The following LPGAT1 variants were observed in gnomAD, a reference collection of about 807,000 sequenced individuals.
The protein encoded by LPGAT1 is lysophosphatidylglycerol acyltransferase 1, also known as acyl-CoA:lysophosphatidylglycerol acyltransferase 1.
A neutral mutation model predicts 47.5 loss-of-function variants in LPGAT1; 11 were observed. The ratio of observed to expected loss-of-function variants is 0.23; its 90% CI spans 0.15 to 0.38. The LOEUF (loss-of-function observed/expected upper bound fraction) is 0.38, where lower values mean the gene tolerates loss of function less well. Among genes scored for constraint, LPGAT1 ranks in the 10% least tolerant of loss-of-function variants. LPGAT1 has a pLI of 1.00. For missense variants in LPGAT1, 293 were observed against 439.0 expected (o/e 0.67, Z 2.97); for synonymous variants, 138 against 144.2 (o/e 0.96, Z 0.31).
chr1:211,827,257 A>C (rs1177737767), intron 2 of LPGAT1, among the ~76,000 whole-genome samples: 1 of 152,252 alleles, frequency 6.6e-6, no homozygotes, highest in East Asian at 1.9e-4. Flanking sequence ...TATGCAGATC[A>C]TGCCAAGACC....
rs969228990 is a variant in LPGAT1 at position 211,829,977 on chromosome 1, G to A, written c.-28+596C>T. On this transcript the variant is annotated intron_variant, in intron 1 of 7. Coordinates refer to ENST00000366997, the MANE Select transcript of LPGAT1 (RefSeq NM_014873.3). ...AAAAGAGGAAGGACAGGAGTAGGGG[G>A]AAGGGAGCAAAAGCCAGAAAGAGGT... 3.0e-6 allele frequency: 3 copies of A among 985,498 alleles called. No homozygotes were observed. The African/African-American group carries it at 5.2e-5, about 17-fold the overall frequency. The allele number at this position is 985,498 out of a possible 1,614,324, so 61.0% of individuals were successfully genotyped here. A position where few individuals can be genotyped will look rare whatever the true frequency, so the allele number is the denominator to read the frequency against.
Position 211,783,213 on chromosome 1 carries a change from C to T in LPGAT1, c.727+16G>A, listed in dbSNP as rs758120101. 74 of 1,579,344 alleles carry T rather than the reference C, an allele frequency of 4.7e-5. No homozygotes were observed. The highest frequency in any genetic ancestry group is 6.3e-5 in the Non-Finnish European group (73 of 1,158,078). ...TTTAACTCCAACAAGGTAAAAAATG[C>T]TAAAAACCATCATACCTAATTCTTT... On this transcript the variant is annotated intron_variant, in intron 5 of 7. Transcript: ENST00000366997.
chr1:211,788,520 T>C (rs1462820076), intron 3 of LPGAT1, among the ~76,000 whole-genome samples: 1 of 151,546 alleles, frequency 6.6e-6, no homozygotes, highest in East Asian at 1.9e-4. Flanking sequence ...CCATCTCTAC[T>C]AAAATACAAA....
At chr1:211,809,842 G>A (rs1659904417) in intron 2 of LPGAT1, among the ~76,000 whole-genome samples, 1 of 151,976 alleles carries the variant, frequency 6.6e-6, no homozygotes, top group Non-Finnish European at 1.5e-5. Context: ...TATTAGCAGT[G>A]TTAAGAACAG....
chr1:211,758,723 A>T (rs1254828194), intron 6 of LPGAT1, among the ~76,000 whole-genome samples: 3 of 152,120 alleles, frequency 2.0e-5, no homozygotes, highest in Non-Finnish European at 4.4e-5. Flanking sequence ...AAGAACCTCT[A>T]GTATAATGTT....
At chr1:211,826,606 C>T (rs1260170303) in intron 2 of LPGAT1, among the ~76,000 whole-genome samples, 1 of 151,978 alleles carries the variant, frequency 6.6e-6, no homozygotes, top group East Asian at 1.9e-4. Context: ...CAACATAAGT[C>T]CTCATCAGCA....
Position 211,830,454 on chromosome 1 carries a change from A to G in LPGAT1, c.-28+119T>C. ...GGGGCCTACCGCGCCCTCGTCCCTC[A>G]GGCCGCTGCCGCCTCCCCGGGCCAC... On this transcript the variant is annotated intron_variant, in intron 1 of 7. Transcript: ENST00000366997. This position sits in a 1 kb window ranked among gnomAD's most constrained non-coding sequence, Gnocchi z 5.9. 8.5e-7 allele frequency: 1 copy of G among 1,175,846 alleles called. No individual in the cohort carries two copies. Among genetic ancestry groups the G allele is most frequent in the Non-Finnish European group, 1.1e-6 (1 of 949,464 alleles). The allele number at this position is 1,175,846 out of a possible 1,614,324, so 72.8% of individuals were successfully genotyped here. A position where few individuals can be genotyped will look rare whatever the true frequency, so the allele number is the denominator to read the frequency against.
At chr1:211,828,748 A>G (rs1660623103) in intron 2 of LPGAT1, among the ~76,000 whole-genome samples, 1 of 152,208 alleles carries the variant, frequency 6.6e-6, no homozygotes, top group Non-Finnish European at 1.5e-5. Context: ...TCTTCACTTT[A>G]TAAGCTCTCG....
chr1:211,751,757 T>C (rs1264578920), intron 6 of LPGAT1, among the ~76,000 whole-genome samples: 1 of 152,060 alleles, frequency 6.6e-6, no homozygotes, highest in Non-Finnish European at 1.5e-5. Flanking sequence ...TAGTGGGGGA[T>C]TTTTTGTCCC....
chr1:211,820,286 A>T (rs78712239), intron 2 of LPGAT1, among the ~76,000 whole-genome samples: 1,970 of 152,302 alleles, frequency 0.013, 38 homozygotes, highest in African/African-American at 0.044. Context: ...ACAAGGAAAA[A>T]AAGGTAACTG....
chr1:211,763,776 T>G lies in LPGAT1; in HGVS notation c.855-12709A>C, dbSNP rs902284044. Among the ~76,000 whole-genome samples the G allele has an allele frequency of 1.3e-5, 2 of 152,312 alleles. 1 individual carries two copies. The highest frequency in any genetic ancestry group is 1.3e-4 in the Admixed American group (2 of 15,300). ...ATTTCCAGATTATCCTATTTAAAAT[T>G]TATTTGTTGGTTTCCTACTACGGCA... On this transcript the variant is annotated intron_variant, in intron 6 of 7. Coordinates refer to ENST00000366997, the MANE Select transcript of LPGAT1 (RefSeq NM_014873.3).
chr1:211,750,097 G>T, intron 7 of LPGAT1, 47 bp from the exon 8 acceptor site: 1 of 1,539,794 alleles, frequency 6.5e-7, no homozygotes, highest in Non-Finnish European at 8.9e-7. Flanking sequence ...GTAATGGTAG[G>T]TCTCCTGGAA....
intron 2 of LPGAT1, among the ~76,000 whole-genome samples, chr1:211,795,400 T>G (rs1659310228): frequency 6.6e-6 from 1 of 152,174 alleles, no homozygotes; most frequent in African/African-American, 2.4e-5. Context: ...GGAGTTTCGC[T>G]CTTGTTGCCC....
chr1:211,760,299 CA>C (rs995910095), intron 6 of LPGAT1, among the ~76,000 whole-genome samples: 1 of 151,954 alleles, frequency 6.6e-6, no homozygotes, highest in African/African-American at 2.4e-5. Context: ...ACTAAAAATA[CA>C]AAAAATTAGC....
chr1:211,813,589 A>C (rs12565318), intron 2 of LPGAT1, among the ~76,000 whole-genome samples: 12,740 of 152,302 alleles, frequency 0.084, 655 homozygotes, highest in Admixed American at 0.15. Flanking sequence ...GACAAAATTC[A>C]AAATAAAAAA....
intron 2 of LPGAT1, among the ~76,000 whole-genome samples, chr1:211,804,924 T>C (rs1026960749): frequency 1.3e-5 from 2 of 152,098 alleles, no homozygotes; most frequent in Non-Finnish European, 2.9e-5. Context: ...GTGGTAGTGG[T>C]CATATAACTG....
At position 211,791,757 on chromosome 1, in the gene LPGAT1, AAAAAAAAAC is replaced by A. The variant is rs1659122250; in HGVS notation, c.357+1306_357+1314del. Among the ~76,000 whole-genome samples the A allele has an allele frequency of 2.1e-5, 3 of 140,000 alleles. 1 individual carries two copies. The highest frequency in any genetic ancestry group is 4.9e-5 in the Non-Finnish European group (3 of 60,814). The allele number at this position is 140,000 out of a possible 152,430, so 91.8% of individuals were successfully genotyped here. On this transcript the variant is annotated intron_variant, in intron 3 of 7. Coordinates refer to ENST00000366997, the MANE Select transcript of LPGAT1 (RefSeq NM_014873.3). Reference sequence around the variant, plus strand: ...GCAAGACTCCATCTCAAAAAAAAAAAAAAAAAAACAAACAAACAAAAAAAAAAAACAAAA... The same window carrying A: ...GCAAGACTCCATCTCAAAAAAAAAAAAAACAAACAAAAAAAAAAAACAAAA...
intron 2 of LPGAT1, among the ~76,000 whole-genome samples, chr1:211,825,047 G>A (rs1660500115): frequency 6.6e-6 from 1 of 151,966 alleles, no homozygotes; most frequent in Admixed American, 6.6e-5. Context: ...CGTAAAAACA[G>A]CTTGGCAGCA....
Position 211,830,630 on chromosome 1 carries a change from A to T in LPGAT1, c.-85T>A. 1 of 1,201,038 alleles carries T rather than the reference A, an allele frequency of 8.3e-7. No individual in the cohort carries two copies. Among genetic ancestry groups the T allele is most frequent in the Non-Finnish European group, 1.0e-6 (1 of 968,258 alleles). 74.4% of individuals were successfully genotyped at this position (1,201,038 alleles called of 1,614,324 possible). ...GGAGTCAGAGGAGCCGGAAGAATGC[A>T]TGGCCGGCGGCGGGGCCGGCGGAAG... On this transcript the variant is annotated 5_prime_UTR_variant, in exon 1 of 8. The change abolishes an upstream ATG in the 5' untranslated region. Transcript: ENST00000366997. This position sits in a 1 kb window ranked among gnomAD's most constrained non-coding sequence, Gnocchi z 5.9.
Sources: gnomAD v4.1 joint callset for allele counts (sites outside exome capture counted in the v4.1 genomes callset) on GRCh38, gnomAD v4.1.1 for gene constraint, Gnocchi (gnomAD v3.1) non-coding constraint, MANE v1.5 for transcripts, NCBI Gene and HGNC (gene_info 2026-07-23, HGNC 2026-07-21) for gene names.